CHPT1: variants seen among roughly 807,000 people sequenced by gnomAD.
CHPT1 encodes the protein cholinephosphotransferase 1.
In CHPT1, 36 loss-of-function variants were observed where a neutral mutation model predicts 47.6. That is an observed-to-expected ratio of 0.76 (90% confidence interval 0.58 to 1.00). The LOEUF is 1.00. CHPT1 is among the 50% of genes least tolerant of loss of function. CHPT1 has a pLI of 0.00. For missense variants in CHPT1, 458 were observed against 498.1 expected (o/e 0.92, Z 0.77); for synonymous variants, 194 against 186.3 (o/e 1.04, Z -0.33).
chr12:101,716,602 G>A (rs956056537), intron 3 of CHPT1, 126 bp from the exon 4 acceptor site: 10 of 560,546 alleles, frequency 1.8e-5, no homozygotes, highest in African/African-American at 1.7e-4. Flanking sequence ...AATAATGGAA[G>A]TAAAGGTAAA....
intron 1 of CHPT1, among the ~76,000 whole-genome samples, chr12:101,708,822 A>C (rs1331757085): frequency 6.7e-6 from 1 of 148,262 alleles, no homozygotes; most frequent in Non-Finnish European, 1.5e-5. Context: ...GTCTCAAACT[A>C]CTGACCTCAA....
At chr12:101,716,896 T>A (rs1331309221) in intron 4 of CHPT1, 84 bp downstream of exon 4, 4 of 822,326 alleles carry the variant, frequency 4.9e-6, no homozygotes, top group Non-Finnish European at 7.2e-6. Context: ...TCTTCAAAAA[T>A]CCTTGGCATT....
chr12:101,701,899 T>A (rs1016564603), intron 1 of CHPT1, among the ~76,000 whole-genome samples: 32 of 152,226 alleles, frequency 2.1e-4, no homozygotes, highest in African/African-American at 6.8e-4. Context: ...GTTCTTGGGT[T>A]AAATACCTAG....
At chr12:101,723,076 G>A in intron 5 of CHPT1, 92 bp from the exon 6 acceptor site, 1 of 1,137,530 alleles carries the variant, frequency 8.8e-7, no homozygotes, top group Non-Finnish European at 1.3e-6. Flanking sequence ...TGTTCTTTAG[G>A]CCTCTTGCAC....
In CHPT1 at chr12:101,723,159, AT is replaced by A; in HGVS notation, c.781-8del. Reference sequence around the variant, plus strand: ...AAATGTGATACTGATTTTCTGCTTTATCCCTTAGGGCACCAGTGTCTTGTCA... The same window carrying A: ...AAATGTGATACTGATTTTCTGCTTTACCCTTAGGGCACCAGTGTCTTGTCA... On this transcript the variant is annotated splice_region_variant and splice_polypyrimidine_tract_variant and intron_variant, in intron 5 of 8. Transcript: ENST00000229266. 1 of 1,608,452 alleles carries A rather than the reference AT, an allele frequency of 6.2e-7. No homozygotes were observed. Among genetic ancestry groups the A allele is most frequent in the Non-Finnish European group, 8.5e-7 (1 of 1,176,192 alleles).
chr12:101,725,851 T>C (rs1354543099), intron 7 of CHPT1, among the ~76,000 whole-genome samples: 2 of 152,178 alleles, frequency 1.3e-5, no homozygotes, highest in African/African-American at 2.4e-5. Context: ...CACAATTCTG[T>C]ATATGCTTCA....
chr12:101,718,056 T>C (rs771270930), intron 4 of CHPT1, among the ~76,000 whole-genome samples: 4 of 152,226 alleles, frequency 2.6e-5, no homozygotes, highest in African/African-American at 4.8e-5. Context: ...TCCAACTATA[T>C]GACATTCTTT....
At chr12:101,706,721 T>G (rs1951639328) in intron 1 of CHPT1, among the ~76,000 whole-genome samples, 1 of 152,224 alleles carries the variant, frequency 6.6e-6, no homozygotes, top group Non-Finnish European at 1.5e-5. Flanking sequence ...AAAATGGAAT[T>G]ACACAACTCT....
chr12:101,714,913 A>T (rs1430117261), intron 3 of CHPT1: 1 of 266,194 alleles, frequency 3.8e-6, no homozygotes, highest in African/African-American at 2.2e-5. Context: ...GGATTAAAAG[A>T]AAATTAAGGG....
At chr12:101,714,036 T>A in intron 1 of CHPT1, 54 bp from the exon 2 acceptor site, 1 of 1,275,712 alleles carries the variant, frequency 7.8e-7, no homozygotes, top group Middle Eastern at 1.9e-4. Flanking sequence ...TTGAGCTATT[T>A]TCAGAAAGCT....
intron 7 of CHPT1, among the ~76,000 whole-genome samples, chr12:101,724,118 C>A (rs1951903827): frequency 6.6e-6 from 1 of 151,450 alleles, no homozygotes; most frequent in Admixed American, 6.6e-5. Flanking sequence ...ACTCAGGAGG[C>A]TGAGGCAGGC....
intron 1 of CHPT1, among the ~76,000 whole-genome samples, chr12:101,708,665 T>A (rs1566037082): frequency 1.3e-5 from 2 of 150,086 alleles, no homozygotes; most frequent in African/African-American, 4.8e-5. Flanking sequence ...TGGAGTGCAG[T>A]GGCTCACTTC....
Position 101,728,860 on chromosome 12 carries a change from A to G in CHPT1, c.1177-41A>G, listed in dbSNP as rs376707625. 20 of 1,605,644 alleles carry G rather than the reference A, an allele frequency of 1.2e-5. No individual in the cohort carries two copies. The African/African-American group carries it at 2.4e-4, about 19-fold the overall frequency. On this transcript the variant is annotated intron_variant, in intron 8 of 8. Coordinates refer to ENST00000229266, the MANE Select transcript of CHPT1 (RefSeq NM_020244.3). ...TTAAACTATTCTAAAGACTTACAAT[A>G]TGCTTCTTAGCTAACGTTATAATTG...
chr12:101,698,385 A>G (rs542039842), intron 1 of CHPT1, among the ~76,000 whole-genome samples: 12 of 152,264 alleles, frequency 7.9e-5, no homozygotes, highest in South Asian at 2.1e-4. Context: ...CCCAGGTCCT[A>G]TGTCCGCGCA....
In CHPT1 at chr12:101,723,772, G is replaced by A. The variant is rs1480414836; in HGVS notation, c.990G>A (p.Leu330=). ...TATATCTTCAAGACACTGTCTTTTT[G>A]GGGCCAGGTCTTTTGTTTTTAGACC... The part of the protein sequence containing the change: ...SELYLQDTVF[L]GPGLLFLDQY... Residue 330 remains leucine (L), a synonymous_variant, in exon 7 of 9, where the codon TTG becomes TTA. Transcript: ENST00000229266. 3 of 1,590,450 alleles carry A rather than the reference G, an allele frequency of 1.9e-6. No individual in the cohort carries two copies. In the South Asian group the frequency reaches 3.4e-5, roughly 18 times the overall value.
At chr12:101,727,477 T>C (rs950518469) in intron 8 of CHPT1, 1 of 135,354 alleles carries the variant, frequency 7.4e-6, no homozygotes, top group Admixed American at 7.5e-5. Context: ...ACAGACCATA[T>C]GTCATATGAT....
rs1303305851 is a variant in CHPT1, at chr12:101,699,386, C to T, written c.273+1252C>T. On this transcript the variant is annotated intron_variant, in intron 1 of 8. Transcript: ENST00000229266. ...GGATTGGTATGCTTATTATGTATTT[C>T]TTTTCTTTTTTTTTTTTTTGAGACA... Among the ~76,000 whole-genome samples, 674 of 101,050 alleles carry T rather than the reference C, an allele frequency of 6.7e-3. 10 individuals carry two copies. The highest frequency in any genetic ancestry group is 0.022 in the African/African-American group (623 of 28,268). 66.3% of individuals were successfully genotyped at this position (101,050 alleles called of 152,430 possible). A position where few individuals can be genotyped will look rare whatever the true frequency, so the allele number is the denominator to read the frequency against.
At chr12:101,705,143 A>T (rs1288548756) in intron 1 of CHPT1, among the ~76,000 whole-genome samples, 21 of 134,874 alleles carry the variant, frequency 1.6e-4, no homozygotes, top group South Asian at 6.8e-4. Context: ...GGCTCACTGC[A>T]ACCTTGGCCT....
chr12:101,697,908 C>A lies in CHPT1; in HGVS notation c.47C>A (p.Ala16Glu), dbSNP rs755874310. The part of the protein sequence containing the change: ...GAGSAPRWLR[A>E]LSEPLSAAQL... Reference sequence around the variant, plus strand: ...GGGTCCGCGCCGCGCTGGCTGAGGGCGCTGAGCGAGCCGCTGAGCGCGGCG... The same window carrying A: ...GGGTCCGCGCCGCGCTGGCTGAGGGAGCTGAGCGAGCCGCTGAGCGCGGCG... Residue 16 changes from alanine to glutamate, a missense_variant, in exon 1 of 9, where the codon GCG becomes GAG. By Grantham distance (107) the Ala-to-Glu change is moderately radical (BLOSUM62 -1). Transcript: ENST00000229266. The A allele has an allele frequency of 2.2e-6, 3 of 1,385,752 alleles. No homozygotes were observed. Among genetic ancestry groups the A allele is most frequent in the East Asian group, 6.1e-5 (2 of 32,698 alleles). 85.8% of individuals were successfully genotyped at this position (1,385,752 alleles called of 1,614,324 possible).
Sources: allele counts gnomAD v4.1 joint callset (sites outside exome capture counted in the v4.1 genomes callset), GRCh38; gene constraint gnomAD v4.1.1; transcripts MANE v1.5; gene names NCBI Gene and HGNC (gene_info 2026-07-23, HGNC 2026-07-21).